GABRB2: variants seen among roughly 807,000 people sequenced by gnomAD.
GABRB2 encodes gamma-aminobutyric acid type A receptor subunit beta2.
In GABRB2, 16 loss-of-function variants were observed where a neutral mutation model predicts 54.7. That is an observed-to-expected ratio of 0.29 (90% CI 0.20 to 0.44). The LOEUF (loss-of-function observed/expected upper bound fraction) is 0.44. Ranked by LOEUF, GABRB2 falls within the 20% of genes least tolerant of loss-of-function variation. The pLI, the probability that GABRB2 is intolerant of heterozygous loss-of-function variation, is 1.00. For synonymous variants in GABRB2, 244 were observed against 233.8 expected (o/e 1.04, Z -0.40); for missense variants, 355 against 644.0 (o/e 0.55, Z 4.86).
intron 4 of GABRB2, among the ~76,000 whole-genome samples, chr5:161,442,368 A>T (rs937871213): frequency 1.3e-5 from 2 of 152,186 alleles, no homozygotes; most frequent in African/African-American, 4.8e-5. Flanking sequence ...CTTTTTGTCA[A>T]CTTGGGGGAA....
intron 3 of GABRB2, among the ~76,000 whole-genome samples, chr5:161,515,538 T>A (rs1175281451): frequency 6.6e-6 from 1 of 152,184 alleles, no homozygotes; most frequent in Non-Finnish European, 1.5e-5. Flanking sequence ...TCTGGTATGC[T>A]TCACATATCC....
rs537702488 is a variant in GABRB2 at position 161,327,271 on chromosome 5, T to C, written c.1078-790A>G. Among the ~76,000 whole-genome samples the C allele has an allele frequency of 2.0e-5, 3 of 152,354 alleles. No homozygotes were observed. The East Asian group carries it at 5.8e-4, about 29-fold the overall frequency. ...GACAACGGTGAAAGTGACACTTGCT[T>C]ATAAACTTTCATGTGCAGGTAGCTG... On this transcript the variant is annotated intron_variant, in intron 8 of 9. Coordinates refer to ENST00000393959, the MANE Select transcript of GABRB2 (RefSeq NM_001371727.1).
chr5:161,355,865 C>T (rs1435914219), intron 5 of GABRB2, among the ~76,000 whole-genome samples: 1 of 152,058 alleles, frequency 6.6e-6, no homozygotes, highest in Non-Finnish European at 1.5e-5. Flanking sequence ...AAGAATAGGT[C>T]TTCTCAGTTT....
chr5:161,430,555 G>C (rs1757145145), intron 4 of GABRB2, among the ~76,000 whole-genome samples: 1 of 152,114 alleles, frequency 6.6e-6, no homozygotes. Context: ...CTTTAAAATG[G>C]AAATAATGAT....
At chr5:161,493,255 C>G (rs546384774) in intron 3 of GABRB2, among the ~76,000 whole-genome samples, 1 of 151,732 alleles carries the variant, frequency 6.6e-6, no homozygotes, top group East Asian at 1.9e-4. Flanking sequence ...TTCACAATGC[C>G]TCTTCTCATT....
At chr5:161,321,006 C>A (rs959298954) in intron 9 of GABRB2, among the ~76,000 whole-genome samples, 4 of 151,994 alleles carry the variant, frequency 2.6e-5, no homozygotes, top group African/African-American at 9.6e-5. Flanking sequence ...GTAGTGTATA[C>A]CACAAAAACG....
chr5:161,480,049 C>T (rs1758713270), intron 3 of GABRB2, among the ~76,000 whole-genome samples: 2 of 152,066 alleles, frequency 1.3e-5, no homozygotes, highest in African/African-American at 2.4e-5. Context: ...TTTTCCTCAG[C>T]TTTCCCCACT....
chr5:161,376,510 A>T (rs879805280), intron 5 of GABRB2, among the ~76,000 whole-genome samples: 2 of 152,170 alleles, frequency 1.3e-5, no homozygotes, highest in Admixed American at 1.3e-4. Context: ...ATAATAAAAA[A>T]AGATATTCAA....
chr5:161,361,445 T>C (rs1754807379), intron 5 of GABRB2, among the ~76,000 whole-genome samples: 1 of 152,090 alleles, frequency 6.6e-6, no homozygotes, highest in Admixed American at 6.5e-5. Flanking sequence ...TCCAGACATA[T>C]CTGGATCACG....
intron 3 of GABRB2, among the ~76,000 whole-genome samples, chr5:161,502,733 T>G (rs1378198473): frequency 6.6e-6 from 1 of 152,132 alleles, no homozygotes; most frequent in African/African-American, 2.4e-5. Flanking sequence ...GAGCAATACC[T>G]TGGCTAGGAA....
At chr5:161,309,832 C>T (rs961930869) in intron 9 of GABRB2, among the ~76,000 whole-genome samples, 9 of 151,990 alleles carry the variant, frequency 5.9e-5, no homozygotes, top group South Asian at 2.1e-4. Context: ...GGGGTTTCAC[C>T]GTGTTAGCCA....
chr5:161,326,528 C>G (rs1310365319), intron 8 of GABRB2, 47 bp from the exon 9 acceptor site: 1 of 1,590,688 alleles, frequency 6.3e-7, no homozygotes, highest in African/African-American at 1.4e-5. Context: ...ATTGATGCTA[C>G]TAGATTAGGC....
intron 3 of GABRB2, among the ~76,000 whole-genome samples, chr5:161,498,671 A>T (rs1036224765): frequency 6.6e-6 from 1 of 152,024 alleles, no homozygotes; most frequent in African/African-American, 2.4e-5. Context: ...CCAGGGTCCA[A>T]ACTCCCTCAT....
intron 1 of GABRB2, 42 bp from the exon 2 acceptor site, chr5:161,546,455 C>A (rs1291371466): frequency 7.5e-6 from 12 of 1,590,260 alleles, no homozygotes; most frequent in Non-Finnish European, 1.0e-5. Flanking sequence ...AATAAGGAAG[C>A]AGGCATAGCG....
intron 5 of GABRB2, among the ~76,000 whole-genome samples, chr5:161,403,050 G>A (rs186500920): frequency 4.5e-4 from 69 of 152,298 alleles, no homozygotes; most frequent in African/African-American, 1.6e-3. Flanking sequence ...CAACGTGAGA[G>A]TGTGCCCATG....
At chr5:161,461,069 G>T (rs1207162206) in intron 3 of GABRB2, among the ~76,000 whole-genome samples, 2 of 152,088 alleles carry the variant, frequency 1.3e-5, no homozygotes, top group Non-Finnish European at 2.9e-5. Context: ...CAGCAGTCAA[G>T]AAAATTAGCC....
chr5:161,547,390 G>T (rs181413339), upstream of GABRB2, among the ~76,000 whole-genome samples: 428 of 152,098 alleles, frequency 2.8e-3, 3 homozygotes, highest in Non-Finnish European at 4.5e-3. Flanking sequence ...AGAAAGAAAA[G>T]AATAAAATAA....
intron 3 of GABRB2, among the ~76,000 whole-genome samples, chr5:161,483,110 C>A (rs1028549055): frequency 6.6e-6 from 1 of 151,996 alleles, no homozygotes; most frequent in African/African-American, 2.4e-5. Context: ...TGTAACTCAG[C>A]ATTTCTCAAA....
chr5:161,425,740 A>G (rs1390396481), intron 4 of GABRB2, among the ~76,000 whole-genome samples: 1 of 152,166 alleles, frequency 6.6e-6, no homozygotes, highest in African/African-American at 2.4e-5. Flanking sequence ...GTTAATTATT[A>G]AATCTATCAG....
Sources: allele counts gnomAD v4.1 joint callset (sites outside exome capture counted in the v4.1 genomes callset), GRCh38; gene constraint gnomAD v4.1.1; transcripts MANE v1.5; gene names NCBI Gene and HGNC (gene_info 2026-07-23, HGNC 2026-07-21).